SYNJ1: variants seen among roughly 807,000 people sequenced by gnomAD.
The protein encoded by SYNJ1 is synaptojanin 1.
A neutral mutation model predicts 168.2 loss-of-function variants in SYNJ1; 78 were observed. That is an observed-to-expected ratio of 0.46 (90% confidence interval 0.39 to 0.56). SYNJ1 has a LOEUF of 0.56. Ranked by LOEUF, SYNJ1 falls within the 20% of genes least tolerant of loss-of-function variation. The pLI, the probability that SYNJ1 is intolerant of heterozygous loss-of-function variation, is 0.00. For synonymous variants in SYNJ1, 539 were observed against 548.6 expected (o/e 0.98, Z 0.24); for missense variants, 1,303 against 1,597.6 (o/e 0.82, Z 3.14).
At chr21:32,643,527 A>G (rs569008104) in intron 26 of SYNJ1, 70 bp from the exon 27 acceptor site, 54 of 1,490,494 alleles carry the variant, frequency 3.6e-5, no homozygotes, top group South Asian at 2.1e-4. Context: ...GCAGGCACAC[A>G]AGACAATTTC....
chr21:32,706,866 A>C (rs1212177033), intron 2 of SYNJ1, among the ~76,000 whole-genome samples: 1 of 152,206 alleles, frequency 6.6e-6, no homozygotes, highest in East Asian at 1.9e-4. Flanking sequence ...ATCTTCTACT[A>C]TAAAGAGATT....
At chr21:32,664,767 G>A (rs2040858305) in intron 18 of SYNJ1, 146 bp downstream of exon 18, 1 of 626,688 alleles carries the variant, frequency 1.6e-6, no homozygotes, top group Non-Finnish European at 2.5e-6. Flanking sequence ...ACACTTTAAG[G>A]AAAGATAATT....
intron 4 of SYNJ1, among the ~76,000 whole-genome samples, chr21:32,697,654 T>C (rs1038442213): frequency 2.6e-5 from 4 of 152,070 alleles, no homozygotes; most frequent in African/African-American, 4.8e-5. Flanking sequence ...ACAAAAATAT[T>C]AGCCTGCGTG....
At chr21:32,647,669 C>T (rs1306552941) in intron 23 of SYNJ1, among the ~76,000 whole-genome samples, 18 of 152,208 alleles carry the variant, frequency 1.2e-4, no homozygotes, top group Admixed American at 1.0e-3. Context: ...TCATCTCAAA[C>T]ATTACCCTAC....
chr21:32,639,601 T>C, intron 30 of SYNJ1, 70 bp downstream of exon 30: 1 of 1,284,458 alleles, frequency 7.8e-7, no homozygotes, highest in Non-Finnish European at 1.1e-6. Context: ...TCTCACTATG[T>C]TGCCCAAGCT....
intron 14 of SYNJ1, among the ~76,000 whole-genome samples, chr21:32,671,323 GA>G: frequency 6.6e-6 from 1 of 150,824 alleles, no homozygotes. Context: ...AAAAAAAAAA[GA>G]AGAGCCTATA....
intron 2 of SYNJ1, among the ~76,000 whole-genome samples, chr21:32,705,338 T>C (rs2042569492): frequency 6.6e-6 from 1 of 152,184 alleles, no homozygotes; most frequent in Non-Finnish European, 1.5e-5. Flanking sequence ...TAGCATACTT[T>C]GGCTTCTACA....
intron 21 of SYNJ1, chr21:32,653,629 C>T (rs1402246038): frequency 9.0e-6 from 3 of 333,746 alleles, no homozygotes; most frequent in Admixed American, 4.6e-5. Flanking sequence ...CACTGCTAAT[C>T]CAGTCCCATC....
In SYNJ1 at chr21:32,695,189, T is replaced by C. The variant is rs61756694; in HGVS notation, c.573A>G (p.Thr191=). Residue 191 remains threonine, a synonymous_variant, in exon 5 of 33, where the codon ACA becomes ACG. Transcript: ENST00000674351. ...RLMCGGVEIR[T]IYAAHKQAKA... is the part of the protein sequence containing the mutation. ...TCGCCTGTTTATGAGCAGCATAAATTGTTCTGATTTCTACTCCTCCACACA... is the reference window on the plus strand; with the variant it reads ...TCGCCTGTTTATGAGCAGCATAAATCGTTCTGATTTCTACTCCTCCACACA... 9,729 of 1,614,172 alleles carry C rather than the reference T, an allele frequency of 6.0e-3. 40 individuals carry two copies. The highest frequency in any genetic ancestry group is 7.1e-3 in the Non-Finnish European group (8,367 of 1,180,016).
In SYNJ1 at chr21:32,685,823, T is replaced by G; in HGVS notation, c.1043A>C (p.His348Pro). The G allele has an allele frequency of 6.2e-7, 1 of 1,613,382 alleles. No individual in the cohort carries two copies. The highest frequency in any genetic ancestry group is 8.5e-7 in the Non-Finnish European group (1 of 1,179,642). ...MVKGGKAEKLHSVLKPQVQKF... is the reference protein window; with the variant it reads ...MVKGGKAEKLPSVLKPQVQKF... Reference sequence around the variant, plus strand: ...CTGGACTTGAGGTTTAAGAACACTATGTAATTTTTCTGCCTTTCCTCCCTT... The same window carrying G: ...CTGGACTTGAGGTTTAAGAACACTAGGTAATTTTTCTGCCTTTCCTCCCTT... The change falls in exon 9 of 33, where the codon CAT becomes CCT. Residue 348 changes from histidine to proline, a missense_variant. His to Pro is a moderately conservative substitution (Grantham distance 77, BLOSUM62 -2). Coordinates refer to ENST00000674351, the MANE Select transcript of SYNJ1 (RefSeq NM_203446.3).
intron 9 of SYNJ1, 146 bp from the exon 10 acceptor site, chr21:32,684,265 T>C (rs2041739146): frequency 4.4e-6 from 3 of 685,124 alleles, no homozygotes; most frequent in Non-Finnish European, 7.4e-6. Flanking sequence ...AAAAAAATTA[T>C]ACTGTGAACA....
At chr21:32,673,626 C>T in intron 13 of SYNJ1, 95 bp from the exon 14 acceptor site, 1 of 1,051,112 alleles carries the variant, frequency 9.5e-7, no homozygotes, top group Non-Finnish European at 1.3e-6. Flanking sequence ...CTGGAAAGCA[C>T]AATTATTATC....
At chr21:32,653,544 ACT>A (rs1452724146) in intron 21 of SYNJ1, 178 bp from the exon 22 acceptor site, 5 of 547,560 alleles carry the variant, frequency 9.1e-6, no homozygotes, top group African/African-American at 1.9e-5. Context: ...CCCTAAAAAC[ACT>A]CTAACTCCAA....
chr21:32,650,085 CAAG>C (rs986090793), intron 23 of SYNJ1, 96 bp downstream of exon 23: 378 of 1,411,026 alleles, frequency 2.7e-4, no homozygotes, highest in Admixed American at 4.7e-4. Context: ...ATGTACGTCC[CAAG>C]AAGAAGAAGA....
chr21:32,728,014 G>T, upstream of SYNJ1: 1 of 1,535,922 alleles, frequency 6.5e-7, no homozygotes, highest in Non-Finnish European at 8.7e-7. Context: ...CGTCACTTCC[G>T]CTCCAGCAGG....
Position 32,631,624 on chromosome 21 carries a change from T to C in SYNJ1, c.*181A>G, listed in dbSNP as rs1601197131. The C allele has an allele frequency of 1.2e-6, 2 of 1,614,240 alleles. No homozygotes were observed. Among genetic ancestry groups the C allele is most frequent in the East Asian group, 4.5e-5 (2 of 44,892 alleles). On this transcript the variant is annotated 3_prime_UTR_variant, in exon 33 of 33. Coordinates refer to ENST00000674351, the MANE Select transcript of SYNJ1 (RefSeq NM_203446.3). Reference sequence around the variant, plus strand: ...ATGCAACTTACAGAACTCAAAACATTACTTTGCGTTGCAGAAGGCAACTGA... The same window carrying C: ...ATGCAACTTACAGAACTCAAAACATCACTTTGCGTTGCAGAAGGCAACTGA...
intron 22 of SYNJ1, 56 bp from the exon 23 acceptor site, chr21:32,650,402 G>T: frequency 6.7e-7 from 1 of 1,497,098 alleles, no homozygotes; most frequent in South Asian, 1.3e-5. Flanking sequence ...AACTAATTTG[G>T]AATAAAGAGG....
chr21:32,642,949 C>T (rs1256715655), intron 27 of SYNJ1, among the ~76,000 whole-genome samples: 1 of 152,144 alleles, frequency 6.6e-6, no homozygotes, highest in African/African-American at 2.4e-5. Context: ...ACAAATCTGG[C>T]TCAGTGCTAA....
intron 2 of SYNJ1, among the ~76,000 whole-genome samples, chr21:32,710,653 G>C (rs961047101): frequency 6.6e-6 from 1 of 152,026 alleles, no homozygotes; most frequent in Non-Finnish European, 1.5e-5. Flanking sequence ...ACCTCCCAAA[G>C]TGCTGGGATT....
Sources: allele counts gnomAD v4.1 joint callset (sites outside exome capture counted in the v4.1 genomes callset), GRCh38; gene constraint gnomAD v4.1.1; transcripts MANE v1.5; gene names NCBI Gene and HGNC (gene_info 2026-07-23, HGNC 2026-07-21).